Variants in LRP1B observed in about 807,000 individuals in gnomAD.
LRP1B encodes low-density lipoprotein receptor-related protein 1B.
In LRP1B, 217 loss-of-function variants were observed where a neutral mutation model predicts 556.6. The ratio of observed to expected loss-of-function variants is 0.39; its 90% CI spans 0.35 to 0.44. LRP1B has a LOEUF of 0.44. Ranked by LOEUF, LRP1B falls within the 20% of genes least tolerant of loss-of-function variation. The pLI is 1.00. For synonymous variants in LRP1B, 2,047 were observed against 1,865.8 expected, an observed-to-expected ratio of 1.10 and a Z score of -2.50; for missense variants, 5,053 against 5,620.8, an observed-to-expected ratio of 0.90 and a Z score of 3.23.
chr2:141,486,498 A>G lies in LRP1B; in HGVS notation c.206-5965T>C, dbSNP rs368983765. On this transcript the variant is annotated intron_variant, in intron 2 of 90. Coordinates refer to ENST00000389484, the MANE Select transcript of LRP1B (RefSeq NM_018557.3). ...GATAGCATGTTTTGTGGAGAGGGAAATTTTTCTTCTACTCTAATGGCAGAC... is the reference window on the plus strand; with the variant it reads ...GATAGCATGTTTTGTGGAGAGGGAAGTTTTTCTTCTACTCTAATGGCAGAC... Among the ~76,000 whole-genome samples, 81 of 152,108 alleles carry G rather than the reference A, an allele frequency of 5.3e-4. No homozygotes were observed. The South Asian group carries it at 0.017, about 32-fold the overall frequency.
intron 41 of LRP1B, among the ~76,000 whole-genome samples, chr2:140,604,467 C>A (rs1682793516): frequency 6.6e-6 from 1 of 152,056 alleles, no homozygotes; most frequent in Non-Finnish European, 1.5e-5. Flanking sequence ...GAGAAATAAA[C>A]CACTACTCTT....
intron 63 of LRP1B, among the ~76,000 whole-genome samples, chr2:140,446,649 C>T (rs1274465959): frequency 2.6e-5 from 4 of 152,046 alleles, no homozygotes; most frequent in African/African-American, 9.7e-5. Context: ...CCATCAACTA[C>T]AAGTAAAAGC....
intron 14 of LRP1B, among the ~76,000 whole-genome samples, chr2:141,006,682 A>T (rs1000810389): frequency 3.9e-5 from 6 of 151,976 alleles, no homozygotes; most frequent in Non-Finnish European, 8.8e-5. Context: ...CCTCTTTAAA[A>T]CATGTTTAAG....
intron 31 of LRP1B, among the ~76,000 whole-genome samples, chr2:140,817,812 A>G (rs1671900452): frequency 3.1e-5 from 2 of 65,478 alleles, no homozygotes; most frequent in Non-Finnish European, 1.2e-4. Flanking sequence ...GAATTTAAAA[A>G]ATTAAGAATT....
chr2:140,520,524 C>T (rs1009953913), intron 49 of LRP1B, among the ~76,000 whole-genome samples: 1 of 151,856 alleles, frequency 6.6e-6, no homozygotes, highest in Admixed American at 6.6e-5. Context: ...TTGATGGGTG[C>T]AGCAAACCAA....
At chr2:140,813,483 A>C (rs905279904) in intron 32 of LRP1B, among the ~76,000 whole-genome samples, 174 bp downstream of exon 32, 1 of 152,218 alleles carries the variant, frequency 6.6e-6, no homozygotes, top group Non-Finnish European at 1.5e-5. Context: ...TAATCTTATA[A>C]GTCTGTTTGC....
chr2:142,083,336 T>C (rs188607274), intron 1 of LRP1B, among the ~76,000 whole-genome samples: 1 of 152,322 alleles, frequency 6.6e-6, no homozygotes, highest in African/African-American at 2.4e-5. Flanking sequence ...TTTCCTCAGC[T>C]TATTTCCAAT....
chr2:140,305,604 A>G (rs1684032885), intron 83 of LRP1B, among the ~76,000 whole-genome samples: 2 of 152,132 alleles, frequency 1.3e-5, no homozygotes, highest in African/African-American at 4.8e-5. Flanking sequence ...GCAAACAGGG[A>G]CAATTTGACT....
chr2:142,047,683 A>C (rs1365100616), intron 1 of LRP1B, among the ~76,000 whole-genome samples: 1 of 151,898 alleles, frequency 6.6e-6, no homozygotes, highest in Non-Finnish European at 1.5e-5. Context: ...GGCCATGTGA[A>C]TGACTTCTGG....
In LRP1B at chr2:140,334,553, C is replaced by T. The variant is rs775999561; in HGVS notation, c.12123G>A (p.Met4041Ile). The change falls in exon 79 of 91, where the codon ATG (methionine) becomes ATA (isoleucine). Residue 4041 changes from methionine (M) to isoleucine (I), a missense_variant. Physicochemically the swap from Met to Ile is conservative, Grantham distance 10. This residue lies in a region of LRP1B where 599 missense variants were observed against 648.4 expected (regional missense o/e 0.92). Coordinates refer to ENST00000389484, the MANE Select transcript of LRP1B (RefSeq NM_018557.3). ...AIAVNPKRGMMYWTVVGDHSH... is the reference protein window; with the variant it reads ...AIAVNPKRGMIYWTVVGDHSH... The stretch of plus-strand genomic sequence containing the variant: ...AATGATCCCCAACAACAGTCCAGTA[C>T]ATCATCCTGAAGAGAGCGGGTCAGA... 6.3e-7 allele frequency: 1 copy of T among 1,577,834 alleles called. No homozygotes were observed. Among genetic ancestry groups the T allele is most frequent in the Admixed American group, 1.8e-5 (1 of 55,004 alleles).
chr2:141,032,728 A>G (rs1698407836), intron 11 of LRP1B, among the ~76,000 whole-genome samples: 1 of 151,130 alleles, frequency 6.6e-6, no homozygotes, highest in Non-Finnish European at 1.5e-5. Flanking sequence ...TGCTTAGATT[A>G]TCTTTCATGT....
chr2:140,799,938 T>C (rs992914990), intron 32 of LRP1B, among the ~76,000 whole-genome samples: 7 of 152,000 alleles, frequency 4.6e-5, no homozygotes, highest in Admixed American at 4.6e-4. Context: ...CCACCGAGCA[T>C]GAGCTGAAGC....
At chr2:142,001,987 G>A (rs571686356) in intron 1 of LRP1B, among the ~76,000 whole-genome samples, 1 of 152,252 alleles carries the variant, frequency 6.6e-6, no homozygotes, top group African/African-American at 2.4e-5. Context: ...TTACCCAACT[G>A]TGTCTGCCAA....
At chr2:140,485,559 A>T (rs1379283119) in intron 58 of LRP1B, 35 bp from the exon 59 acceptor site, 10 of 1,506,918 alleles carry the variant, frequency 6.6e-6, no homozygotes, top group Non-Finnish European at 8.1e-6. Context: ...TAACAGCGTA[A>T]ATCCCTAAAA....
chr2:141,506,633 T>G (rs1454360019), intron 2 of LRP1B, among the ~76,000 whole-genome samples: 1 of 152,066 alleles, frequency 6.6e-6, no homozygotes, highest in Non-Finnish European at 1.5e-5. Flanking sequence ...GCCAGACAAT[T>G]TTTATAAAGT....
intron 3 of LRP1B, among the ~76,000 whole-genome samples, chr2:141,476,751 C>A (rs1682720448): frequency 6.6e-6 from 1 of 152,072 alleles, no homozygotes; most frequent in African/African-American, 2.4e-5. Context: ...ACATCACCCC[C>A]AAAATTTTAA....
intron 43 of LRP1B, among the ~76,000 whole-genome samples, chr2:140,574,217 T>C (rs1473723713): frequency 2.0e-5 from 3 of 152,156 alleles, no homozygotes; most frequent in Admixed American, 6.5e-5. Flanking sequence ...CATCATTTAT[T>C]TTAAAATTTT....
chr2:141,245,636 C>T (rs565241534), intron 5 of LRP1B, among the ~76,000 whole-genome samples: 1 of 152,120 alleles, frequency 6.6e-6, no homozygotes, highest in African/African-American at 2.4e-5. Context: ...TAATTCACTC[C>T]ACAAAATAAT....
At chr2:141,382,549 C>A (rs1689680727) in intron 3 of LRP1B, among the ~76,000 whole-genome samples, 1 of 152,194 alleles carries the variant, frequency 6.6e-6, no homozygotes, top group Admixed American at 6.5e-5. Context: ...CCTGCCAGCG[C>A]AGAGGCCTGC....
Sources: allele counts gnomAD v4.1 joint callset (sites outside exome capture counted in the v4.1 genomes callset), GRCh38; gene constraint gnomAD v4.1.1; regional missense constraint gnomAD v4.1.1; transcripts MANE v1.5; gene names NCBI Gene and HGNC (gene_info 2026-07-23, HGNC 2026-07-21).